SLIT3: variants seen among roughly 807,000 people sequenced by gnomAD.
The protein encoded by SLIT3 is slit homolog 3 protein.
Under a neutral mutation model 184.0 loss-of-function variants are expected in SLIT3, and 68 were observed. The observed-to-expected ratio is 0.37, with a 90% CI of 0.30 to 0.45. SLIT3 has a LOEUF of 0.45. Among genes scored for constraint, SLIT3 ranks in the 20% least tolerant of loss-of-function variants. SLIT3 has a pLI of 1.00. For missense variants in SLIT3, 1,707 were observed against 2,026.0 expected, an observed-to-expected ratio of 0.84 and a Z score of 3.02; for synonymous variants, 831 against 828.6, an observed-to-expected ratio of 1.00 and a Z score of -0.05.
intron 4 of SLIT3, among the ~76,000 whole-genome samples, chr5:169,129,042 C>G (rs141110241): frequency 6.6e-6 from 1 of 152,096 alleles, no homozygotes; most frequent in African/African-American, 2.4e-5. Context: ...GACTTGGACA[C>G]GGCAGGGGAG....
chr5:169,064,573 C>A (rs969229447), intron 4 of SLIT3, among the ~76,000 whole-genome samples: 1 of 152,164 alleles, frequency 6.6e-6, no homozygotes, highest in African/African-American at 2.4e-5. Flanking sequence ...AAAATTTGAA[C>A]CCAGGTTCTT....
chr5:169,172,847 A>C (rs1006329), intron 4 of SLIT3, among the ~76,000 whole-genome samples: 1 of 152,130 alleles, frequency 6.6e-6, no homozygotes, highest in Middle Eastern at 3.4e-3. Context: ...TTAAAGCACC[A>C]GTCTCGGAGT....
rs555982246 is a variant in SLIT3 at position 169,108,342 on chromosome 5, A to C, written c.413+85137T>G. On this transcript the variant is annotated intron_variant, in intron 4 of 35. Transcript: ENST00000519560. ...CCACATTTGAGAATGGATTTCTGGC[A>C]GATATAGACAGAGCTGGCACAGCAT... is the stretch of plus-strand genomic sequence containing the variant. Among the ~76,000 whole-genome samples the C allele has an allele frequency of 4.6e-5, 7 of 152,354 alleles. No homozygotes were observed. In the East Asian group the frequency reaches 9.6e-4, roughly 21 times the overall value.
At chr5:168,915,131 T>C (rs1241916557) in intron 4 of SLIT3, among the ~76,000 whole-genome samples, 2 of 152,204 alleles carry the variant, frequency 1.3e-5, no homozygotes, top group East Asian at 1.9e-4. Context: ...TTATCCGGTC[T>C]TTCCCATAGT....
In SLIT3 at chr5:169,300,399, G is replaced by T; in HGVS notation, c.197+114C>A. ...TGAGGGATCGTATCCAGGAAGGGATGAGAATAGAGACTGCATCCAGGGAGG... is the reference window on the plus strand; with the variant it reads ...TGAGGGATCGTATCCAGGAAGGGATTAGAATAGAGACTGCATCCAGGGAGG... On this transcript the variant is annotated intron_variant, in intron 1 of 35. Transcript: ENST00000519560. The surrounding 1 kb of genome is among the most constrained non-coding windows in gnomAD (Gnocchi z 4.1). 1.6e-6 allele frequency: 2 copies of T among 1,254,438 alleles called. No individual in the cohort carries two copies. Among genetic ancestry groups the T allele is most frequent in the Non-Finnish European group, 1.0e-6 (1 of 972,354 alleles). The allele number at this position is 1,254,438 out of a possible 1,614,324, so 77.7% of individuals were successfully genotyped here. A position where few individuals can be genotyped will look rare whatever the true frequency, so the allele number is the denominator to read the frequency against.
chr5:169,077,861 A>AG (rs397882729), intron 4 of SLIT3, among the ~76,000 whole-genome samples: 3 of 151,406 alleles, frequency 2.0e-5, no homozygotes, highest in African/African-American at 7.3e-5. Flanking sequence ...AAAAAAAAAA[A>AG]GTGTCATTGT....
At chr5:169,155,108 T>C (rs1762255678) in intron 4 of SLIT3, among the ~76,000 whole-genome samples, 1 of 152,210 alleles carries the variant, frequency 6.6e-6, no homozygotes, top group African/African-American at 2.4e-5. Flanking sequence ...GCACAATAAG[T>C]TGCAGTTTTT....
chr5:168,758,219 T>C lies in SLIT3; in HGVS notation c.1685+2643A>G, dbSNP rs78488230. Among the ~76,000 whole-genome samples the C allele has an allele frequency of 0.019, 2,901 of 152,310 alleles. 196 individuals are homozygous for C. In the East Asian group the frequency reaches 0.19, roughly 10 times the overall value. ...GCTGGGAGTTGGTTGACACTTATCA[T>C]GTGTTTGTGCTGTTGTTTTCTGGGG... is the stretch of plus-strand genomic sequence containing the variant. On this transcript the variant is annotated intron_variant, in intron 16 of 35. Coordinates refer to ENST00000519560, the MANE Select transcript of SLIT3 (RefSeq NM_003062.4).
At chr5:169,040,181 T>A (rs77887538) in intron 4 of SLIT3, among the ~76,000 whole-genome samples, 215 of 152,360 alleles carry the variant, frequency 1.4e-3, no homozygotes, top group African/African-American at 4.9e-3. Context: ...TATCAAGGCA[T>A]GTGCAATCAC....
intron 1 of SLIT3, among the ~76,000 whole-genome samples, chr5:169,276,302 C>T (rs1276933413): frequency 6.6e-6 from 1 of 152,158 alleles, no homozygotes; most frequent in African/African-American, 2.4e-5. Context: ...CCCAGGAGAC[C>T]TGTAGACCCA....
intron 4 of SLIT3, among the ~76,000 whole-genome samples, chr5:169,077,003 C>T (rs1758768246): frequency 6.6e-6 from 1 of 151,986 alleles, no homozygotes; most frequent in Non-Finnish European, 1.5e-5. Flanking sequence ...ACAGTTGACC[C>T]TTGAACAACA....
chr5:168,820,240 T>C lies in SLIT3; in HGVS notation c.630-2777A>G, dbSNP rs551862154. Among the ~76,000 whole-genome samples, 32 of 152,304 alleles carry C rather than the reference T, an allele frequency of 2.1e-4. No individual in the cohort carries two copies. The South Asian group carries it at 6.7e-3, about 32-fold the overall frequency. On this transcript the variant is annotated intron_variant, in intron 7 of 35. Coordinates refer to ENST00000519560, the MANE Select transcript of SLIT3 (RefSeq NM_003062.4). ...AGGGAGGGTGGCCTCCATAGGCTCCTGGGCTGTGCAGAGGCTCTTATCCCC... is the reference window on the plus strand; with the variant it reads ...AGGGAGGGTGGCCTCCATAGGCTCCCGGGCTGTGCAGAGGCTCTTATCCCC...
chr5:169,139,469 A>G (rs1205674150), intron 4 of SLIT3, among the ~76,000 whole-genome samples: 1 of 152,196 alleles, frequency 6.6e-6, no homozygotes, highest in Non-Finnish European at 1.5e-5. Context: ...AAATATCAAG[A>G]GGTCAGGGAG....
Position 168,753,164 on chromosome 5 carries a change from G to A in SLIT3, c.1830-66C>T, listed in dbSNP as rs567252345. ...TCTTTTCTGTCCCAAATGGTGCCAC[G>A]GTGGTGTGTGTGTGTGTATAGGTGA... On this transcript the variant is annotated intron_variant, in intron 17 of 35. Coordinates refer to ENST00000519560, the MANE Select transcript of SLIT3 (RefSeq NM_003062.4). 6.0e-5 allele frequency: 94 copies of A among 1,555,074 alleles called. No individual in the cohort carries two copies. The African/African-American group carries it at 7.3e-4, about 12-fold the overall frequency.
At chr5:169,155,204 A>C (rs754989544) in intron 4 of SLIT3, among the ~76,000 whole-genome samples, 4 of 152,212 alleles carry the variant, frequency 2.6e-5, no homozygotes, top group Non-Finnish European at 5.9e-5. Flanking sequence ...AAGCACATCC[A>C]CATATTTTCC....
intron 4 of SLIT3, among the ~76,000 whole-genome samples, chr5:169,116,391 T>C (rs1388011965): frequency 6.6e-6 from 1 of 152,066 alleles, no homozygotes; most frequent in African/African-American, 2.4e-5. Flanking sequence ...CAGGATACAA[T>C]GTTAGGACTT....
chr5:168,710,849 A>T (rs898931783), intron 25 of SLIT3, 46 bp downstream of exon 25: 50 of 1,427,376 alleles, frequency 3.5e-5, no homozygotes, highest in Non-Finnish European at 4.5e-5. Flanking sequence ...GGAACACAGC[A>T]GACCCCAAGA....
intron 4 of SLIT3, chr5:169,036,239 G>A (rs1561622754): frequency 6.6e-6 from 1 of 152,220 alleles, no homozygotes; most frequent in Non-Finnish European, 1.5e-5. Context: ...AGTCCCTGAA[G>A]TGCCTTTCCT....
intron 20 of SLIT3, among the ~76,000 whole-genome samples, chr5:168,729,837 A>T (rs1451310366): frequency 6.6e-6 from 1 of 152,134 alleles, no homozygotes; most frequent in African/African-American, 2.4e-5. Context: ...ACTTGAAAAC[A>T]ATCAACAATA....
Sources: gnomAD v4.1 joint callset for allele counts (sites outside exome capture counted in the v4.1 genomes callset) on GRCh38, gnomAD v4.1.1 for gene constraint, Gnocchi (gnomAD v3.1) non-coding constraint, MANE v1.5 for transcripts, NCBI Gene and HGNC (gene_info 2026-07-23, HGNC 2026-07-21) for gene names.